The following CDH9 variants were observed in gnomAD, a reference collection of about 807,000 sequenced individuals.
The protein encoded by CDH9 is cadherin 9.
CDH9 carries 28 observed loss-of-function variants against 70.9 expected under a neutral mutation model. That is an observed-to-expected ratio of 0.40 (90% CI 0.29 to 0.54). The LOEUF (loss-of-function observed/expected upper bound fraction) is 0.54. Ranked by LOEUF, CDH9 falls within the 20% of genes least tolerant of loss-of-function variation. CDH9 has a pLI of 0.59. For synonymous variants in CDH9, 409 were observed against 343.1 expected (o/e 1.19, Z -2.12); for missense variants, 874 against 984.4 (o/e 0.89, Z 1.50).
At chr5:27,037,064 T>C (rs191879528) in intron 1 of CDH9, among the ~76,000 whole-genome samples, 1 of 152,062 alleles carries the variant, frequency 6.6e-6, no homozygotes, top group African/African-American at 2.4e-5. Context: ...ATGTGGAAAA[T>C]AGGATTCTTC....
chr5:26,962,464 C>G (rs1337203474), intron 2 of CDH9, among the ~76,000 whole-genome samples: 1 of 152,150 alleles, frequency 6.6e-6, no homozygotes, highest in Admixed American at 6.5e-5. Flanking sequence ...CCTATTTCTC[C>G]ACATCATCTC....
chr5:27,034,566 AT>A, intron 1 of CDH9, among the ~76,000 whole-genome samples: 1 of 151,498 alleles, frequency 6.6e-6, no homozygotes, highest in East Asian at 1.9e-4. Flanking sequence ...TAAATAAATA[AT>A]ACATCTCTCT....
intron 9 of CDH9, among the ~76,000 whole-genome samples, chr5:26,888,115 T>A (rs373321510): frequency 6.6e-6 from 1 of 152,188 alleles, no homozygotes; most frequent in African/African-American, 2.4e-5. Context: ...TTGGCCTTAA[T>A]GATTTTAAAA....
At chr5:27,027,806 C>A (rs548990325) in intron 1 of CDH9, among the ~76,000 whole-genome samples, 1 of 152,094 alleles carries the variant, frequency 6.6e-6, no homozygotes, top group South Asian at 2.1e-4. Context: ...TCTCCACATG[C>A]ATGGGGCTGA....
At chr5:26,922,747 T>A (rs1478656422) in intron 2 of CDH9, among the ~76,000 whole-genome samples, 1 of 151,862 alleles carries the variant, frequency 6.6e-6, no homozygotes, top group Non-Finnish European at 1.5e-5. Flanking sequence ...TACTCATATC[T>A]TGACTAGAAA....
chr5:26,905,234 C>CT (rs1325759528), intron 5 of CDH9, among the ~76,000 whole-genome samples: 1 of 152,034 alleles, frequency 6.6e-6, no homozygotes, highest in Non-Finnish European at 1.5e-5. Context: ...GAATGGAAAT[C>CT]TTTTTCTGCA....
chr5:26,948,078 T>A (rs1490496053), intron 2 of CDH9, among the ~76,000 whole-genome samples: 1 of 152,012 alleles, frequency 6.6e-6, no homozygotes, highest in Non-Finnish European at 1.5e-5. Flanking sequence ...ATTCACAGAC[T>A]TTTAGGCTAT....
At chr5:27,031,777 T>A (rs760544423) in intron 1 of CDH9, among the ~76,000 whole-genome samples, 12 of 152,074 alleles carry the variant, frequency 7.9e-5, no homozygotes, top group Non-Finnish European at 1.8e-4. Context: ...CTACTGAGTC[T>A]GCTATGGACT....
intron 11 of CDH9, among the ~76,000 whole-genome samples, chr5:26,885,349 A>G (rs919174520): frequency 5.9e-5 from 9 of 152,196 alleles, no homozygotes; most frequent in Non-Finnish European, 1.5e-5. Context: ...AGTCAAAAAT[A>G]TAATAGCTAA....
chr5:27,004,609 G>A (rs1007386104), intron 1 of CDH9, among the ~76,000 whole-genome samples: 3 of 152,076 alleles, frequency 2.0e-5, no homozygotes, highest in Non-Finnish European at 4.4e-5. Flanking sequence ...AATAGAAGTG[G>A]AGGAGTGAGG....
rs537787931 is a variant in CDH9, at chr5:26,966,618, G to T, written c.228+21488C>A. Among the ~76,000 whole-genome samples the T allele has an allele frequency of 8.6e-5, 13 of 152,016 alleles. No homozygotes were observed. The South Asian group carries it at 2.7e-3, about 32-fold the overall frequency. ...CTCCTTAGAGATTTCTTCACAATTT[G>T]CCTTCTACTCACAACAGTAAAATGT... On this transcript the variant is annotated intron_variant, in intron 2 of 11. Transcript: ENST00000231021.
intron 1 of CDH9, among the ~76,000 whole-genome samples, chr5:27,037,084 A>G (rs1743406248): frequency 6.6e-6 from 1 of 151,976 alleles, no homozygotes; most frequent in Admixed American, 6.6e-5. Flanking sequence ...CTTCTGCAGA[A>G]TGTAGGAGGA....
chr5:26,891,351 G>A (rs1740656549), intron 7 of CDH9, among the ~76,000 whole-genome samples: 1 of 152,146 alleles, frequency 6.6e-6, no homozygotes, highest in African/African-American at 2.4e-5. Flanking sequence ...TGATTATCAA[G>A]GTGTGTCTAG....
At chr5:26,995,776 T>C (rs781667087) in intron 1 of CDH9, among the ~76,000 whole-genome samples, 1 of 152,140 alleles carries the variant, frequency 6.6e-6, no homozygotes, top group Non-Finnish European at 1.5e-5. Context: ...TTTGTCAGCA[T>C]TAAATGCTTT....
intron 1 of CDH9, among the ~76,000 whole-genome samples, chr5:27,035,975 T>C (rs1022688395): frequency 3.3e-5 from 5 of 151,838 alleles, no homozygotes; most frequent in Admixed American, 1.3e-4. Context: ...CATGACACAT[T>C]CACACATATT....
At chr5:26,920,836 C>A (rs1012411606) in intron 2 of CDH9, among the ~76,000 whole-genome samples, 1 of 152,144 alleles carries the variant, frequency 6.6e-6, no homozygotes, top group African/African-American at 2.4e-5. Context: ...GACAAAGACA[C>A]CAAAGATTAC....
intron 2 of CDH9, among the ~76,000 whole-genome samples, chr5:26,946,226 A>G (rs1741749601): frequency 6.6e-6 from 1 of 152,148 alleles, no homozygotes; most frequent in African/African-American, 2.4e-5. Context: ...GGGAATTCTC[A>G]ATGCAGGAAG....
At chr5:27,032,232 T>C (rs1236562576) in intron 1 of CDH9, among the ~76,000 whole-genome samples, 3 of 151,534 alleles carry the variant, frequency 2.0e-5, no homozygotes, top group African/African-American at 7.3e-5. Context: ...CTTCATATTT[T>C]AAACTAAAGT....
chr5:26,940,219 T>A (rs1741636575), intron 2 of CDH9, among the ~76,000 whole-genome samples: 1 of 150,952 alleles, frequency 6.6e-6, no homozygotes, highest in Non-Finnish European at 1.5e-5. Context: ...AAAATGAGAG[T>A]ATGTATAGGA....
Sources: allele counts gnomAD v4.1 joint callset (sites outside exome capture counted in the v4.1 genomes callset), GRCh38; gene constraint gnomAD v4.1.1; transcripts MANE v1.5; gene names NCBI Gene and HGNC (gene_info 2026-07-23, HGNC 2026-07-21).